NTAN1: variants seen among roughly 807,000 people sequenced by gnomAD.
The protein encoded by NTAN1 is N-terminal asparagine amidase, also known as protein N-terminal asparagine amidohydrolase.
NTAN1 carries 32 observed loss-of-function variants against 41.9 expected under a neutral mutation model. The ratio of observed to expected loss-of-function variants is 0.76; its 90% confidence interval spans 0.58 to 1.03. The LOEUF is 1.03. NTAN1 is among the 50% of genes least tolerant of loss of function. The pLI is 0.00. For missense variants in NTAN1, 377 were observed against 377.5 expected, an observed-to-expected ratio of 1.00 and a Z score of 0.01; for synonymous variants, 140 against 139.5, an observed-to-expected ratio of 1.00 and a Z score of -0.03.
chr16:15,050,473 C>CTGTA (rs1301354278), intron 1 of NTAN1, among the ~76,000 whole-genome samples: 1 of 152,188 alleles, frequency 6.6e-6, no homozygotes, highest in Non-Finnish European at 1.5e-5. Context: ...TGGCTCCCAA[C>CTGTA]TGTAATTCCA....
chr16:15,044,694 C>G, intron 4 of NTAN1: 1 of 489,662 alleles, frequency 2.0e-6, no homozygotes, highest in Non-Finnish European at 3.7e-6. Context: ...TGGAAGAGCA[C>G]AGGCACAGGA....
chr16:15,047,340 C>T, intron 4 of NTAN1, 102 bp downstream of exon 4: 1 of 780,846 alleles, frequency 1.3e-6, no homozygotes, highest in Non-Finnish European at 2.3e-6. Context: ...GCAGACACGG[C>T]AGTGGTGGCA....
intron 5 of NTAN1, among the ~76,000 whole-genome samples, chr16:15,042,853 C>A (rs1355710071): frequency 6.6e-6 from 1 of 151,790 alleles, no homozygotes; most frequent in Non-Finnish European, 1.5e-5. Flanking sequence ...CTGCCTCAGC[C>A]TCCTGAATAG....
chr16:15,037,997 C>A lies in NTAN1; in HGVS notation c.*34G>T, dbSNP rs181477806. ...CCAGCCCCACCAATGGTCTGTCAGG[C>A]CAAGAAGGTGCTTTCTTTGGTAATT... On this transcript the variant is annotated 3_prime_UTR_variant, in exon 10 of 10. Coordinates refer to ENST00000287706, the MANE Select transcript of NTAN1 (RefSeq NM_173474.4). 6.4e-7 allele frequency: 1 copy of A among 1,564,898 alleles called. No individual in the cohort carries two copies. The highest frequency in any genetic ancestry group is 2.2e-5 in the East Asian group (1 of 44,638).
chr16:15,055,086 T>C (rs1436995434), intron 1 of NTAN1, among the ~76,000 whole-genome samples: 2 of 152,144 alleles, frequency 1.3e-5, no homozygotes, highest in East Asian at 3.9e-4. Context: ...CCAACAGATA[T>C]TAGGGGCTCG....
intron 1 of NTAN1, among the ~76,000 whole-genome samples, chr16:15,054,808 C>G (rs1234670008): frequency 2.6e-5 from 4 of 152,176 alleles, no homozygotes; most frequent in Non-Finnish European, 5.9e-5. Flanking sequence ...CTTCAGGAGG[C>G]TTACATTCTG....
intron 6 of NTAN1, among the ~76,000 whole-genome samples, chr16:15,041,324 C>A (rs1368538320): frequency 1.3e-5 from 2 of 152,100 alleles, no homozygotes; most frequent in African/African-American, 4.8e-5. Flanking sequence ...GCTGCAGAAT[C>A]GGTCCCCACT....
At chr16:15,050,208 GTTAT>G (rs796309177) in intron 1 of NTAN1, among the ~76,000 whole-genome samples, 111 of 152,264 alleles carry the variant, frequency 7.3e-4, no homozygotes, top group African/African-American at 2.3e-3. Flanking sequence ...AAATTCAGTG[GTTAT>G]TTAACAAAAA....
At chr16:15,038,532 G>C (rs373493942) in intron 9 of NTAN1, 42 bp downstream of exon 9, 64 of 1,087,750 alleles carry the variant, frequency 5.9e-5, no homozygotes, top group Non-Finnish European at 8.5e-5. Context: ...GGGGAAACCA[G>C]GGTGCAGAGA....
intron 1 of NTAN1, 74 bp from the exon 2 acceptor site, chr16:15,048,173 C>T: frequency 9.6e-7 from 1 of 1,039,686 alleles, no homozygotes; most frequent in South Asian, 1.4e-5. Context: ...GTGGAGAGAG[C>T]CAAAGTGGGC....
At chr16:15,052,874 C>T (rs2044352219) in intron 1 of NTAN1, among the ~76,000 whole-genome samples, 2 of 152,122 alleles carry the variant, frequency 1.3e-5, no homozygotes, top group African/African-American at 4.8e-5. Flanking sequence ...CTAAGCTACG[C>T]TGCGAGCATC....
chr16:15,046,858 C>G (rs2044090937), intron 4 of NTAN1, among the ~76,000 whole-genome samples: 1 of 152,092 alleles, frequency 6.6e-6, no homozygotes, highest in African/African-American at 2.4e-5. Flanking sequence ...CAGGGCGACA[C>G]AGCAAGACCC....
intron 9 of NTAN1, 151 bp downstream of exon 9, chr16:15,038,423 T>C (rs756066315): frequency 3.2e-6 from 2 of 625,832 alleles, no homozygotes; most frequent in Non-Finnish European, 2.8e-6. Context: ...CCATTTGATA[T>C]ACAAGTTAAA....
rs112125343 is a variant in NTAN1 at position 15,044,452 on chromosome 16, G to A, written c.360-45C>T. 1.7e-4 allele frequency: 210 copies of A among 1,235,152 alleles called. No individual in the cohort carries two copies. The Middle Eastern group carries it at 3.8e-3, about 22-fold the overall frequency. The allele number at this position is 1,235,152 out of a possible 1,614,324, so 76.5% of individuals were successfully genotyped here. ...GGTCAGAGGCCAGAAGAAGACACCGGTGCGTGCGCTGGTCTCACTTTGAAC... is the reference window on the plus strand; with the variant it reads ...GGTCAGAGGCCAGAAGAAGACACCGATGCGTGCGCTGGTCTCACTTTGAAC... On this transcript the variant is annotated intron_variant, in intron 4 of 9. Transcript: ENST00000287706.
At chr16:15,055,841 G>A (rs1429697264) in intron 1 of NTAN1, 50 bp downstream of exon 1, 1 of 1,024,600 alleles carries the variant, frequency 9.8e-7, no homozygotes, top group South Asian at 4.9e-5. Flanking sequence ...AGCCCGCCCT[G>A]CAGCTTCCCC....
At chr16:15,047,080 A>AGATCTC in intron 4 of NTAN1, 1 of 275,824 alleles carries the variant, frequency 3.6e-6, no homozygotes, top group Non-Finnish European at 7.0e-6. Context: ...TACAAGGTGT[A>AGATCTC]GGTGAGAGGA....
chr16:15,055,845 C>G (rs2044490181), intron 1 of NTAN1, 46 bp downstream of exon 1: 4 of 1,060,484 alleles, frequency 3.8e-6, no homozygotes, highest in Non-Finnish European at 4.8e-6. Flanking sequence ...CGCCCTGCAG[C>G]TTCCCCTCGG....
At chr16:15,052,193 G>C (rs1261086821) in intron 1 of NTAN1, among the ~76,000 whole-genome samples, 1 of 152,196 alleles carries the variant, frequency 6.6e-6, no homozygotes, top group African/African-American at 2.4e-5. Context: ...ATTATGAAGT[G>C]AAAGCAGCCA....
rs1361638868 is a variant in NTAN1, at chr16:15,048,000, C to A, written c.181G>T (p.Asp61Tyr). Residue 61 changes from aspartate to tyrosine, a missense_variant, in exon 2 of 10, where the codon GAT becomes TAT. Transcript: ENST00000287706. ...AATTCACTGCTTCCTAACCTACCAT[C>A]CTTTGGGGAGGTCACTGCAAGCTCT... ...QRELAVTSPK[D>Y]GSISILGSDD... 6.2e-7 allele frequency: 1 copy of A among 1,610,570 alleles called. No homozygotes were observed. The highest frequency in any genetic ancestry group is 1.7e-5 in the Admixed American group (1 of 60,018).
Sources: gnomAD v4.1 joint callset for allele counts (sites outside exome capture counted in the v4.1 genomes callset) on GRCh38, gnomAD v4.1.1 for gene constraint, MANE v1.5 for transcripts, NCBI Gene and HGNC (gene_info 2026-07-23, HGNC 2026-07-21) for gene names.